ZNF736: variants seen among roughly 807,000 people sequenced by gnomAD.
ZNF736 encodes zinc finger protein 736.
A neutral mutation model predicts 11.7 loss-of-function variants in ZNF736; 6 were observed. That is an observed-to-expected ratio of 0.51 (90% CI 0.28 to 1.01). The LOEUF (loss-of-function observed/expected upper bound fraction) is 1.01. Among genes scored for constraint, ZNF736 ranks in the 50% least tolerant of loss-of-function variants. The pLI, the probability that ZNF736 is intolerant of heterozygous loss-of-function variation, is 0.09. For synonymous variants in ZNF736, 139 were observed against 164.7 expected, an observed-to-expected ratio of 0.84 and a Z score of 1.19; for missense variants, 444 against 496.0, an observed-to-expected ratio of 0.90 and a Z score of 1.00.
intron 1 of ZNF736, among the ~76,000 whole-genome samples, chr7:64,319,333 G>GTGTGTGTGTA (rs1175526690): frequency 8.4e-5 from 6 of 71,638 alleles, no homozygotes; most frequent in Non-Finnish European, 1.4e-4. Context: ...GTGTGTATGT[G>GTGTGTGTGTA]TATATATATA....
chr7:64,342,050 T>C (rs1789345155), intron 3 of ZNF736, among the ~76,000 whole-genome samples: 1 of 152,200 alleles, frequency 6.6e-6, no homozygotes, highest in Admixed American at 6.5e-5. Flanking sequence ...TCTTTAAGTC[T>C]TCTATCCATT....
intron 1 of ZNF736, among the ~76,000 whole-genome samples, chr7:64,330,105 G>C (rs1789140647): frequency 6.6e-6 from 1 of 152,060 alleles, no homozygotes; most frequent in Non-Finnish European, 1.5e-5. Flanking sequence ...TCTTCGGTCA[G>C]CTTGTGGTGA....
intron 1 of ZNF736, among the ~76,000 whole-genome samples, chr7:64,324,760 C>G (rs912900381): frequency 1.3e-5 from 2 of 152,196 alleles, no homozygotes; most frequent in Non-Finnish European, 2.9e-5. Flanking sequence ...GAGCCTAACC[C>G]TTTCTGAGCC....
intron 1 of ZNF736, among the ~76,000 whole-genome samples, chr7:64,317,617 ATCT>A (rs1247300049): frequency 2.0e-5 from 3 of 152,154 alleles, no homozygotes; most frequent in African/African-American, 2.4e-5. Context: ...TTTGGAGTAA[ATCT>A]TCTTCATAAA....
intron 3 of ZNF736, among the ~76,000 whole-genome samples, chr7:64,338,539 CTCT>C (rs1387081600): frequency 6.6e-6 from 1 of 152,176 alleles, no homozygotes; most frequent in East Asian, 1.9e-4. Context: ...CCTCTATACT[CTCT>C]TCTTCTAGGA....
In ZNF736 at chr7:64,322,889, GTCTT is replaced by G. The variant is rs578056974; in HGVS notation, c.3+8740_3+8743del. On this transcript the variant is annotated intron_variant, in intron 1 of 3. Coordinates refer to ENST00000423484, the MANE Select transcript of ZNF736 (RefSeq NM_001170905.3). ...CATTTTAATTCTATAAAAAATGTAT[GTCTT>G]TCTGTTTACTCTTTACAAAACTACT... Among the ~76,000 whole-genome samples the G allele has an allele frequency of 4.4e-3, 668 of 152,292 alleles. 4 individuals are homozygous for G. The highest frequency in any genetic ancestry group is 7.5e-3 in the Non-Finnish European group (511 of 68,018).
rs10949901 is a variant in ZNF736, at chr7:64,352,396, G to A, written c.*3249G>A. ...AGGTCCTACCCAGTGAGGAAAACAT[G>A]ATTGGGGACCCACTTAAGAAAGCAG... On this transcript the variant is annotated 3_prime_UTR_variant, in exon 4 of 4. Coordinates refer to ENST00000423484, the MANE Select transcript of ZNF736 (RefSeq NM_001170905.3). 0.31 allele frequency: 46,773 copies of A among 152,088 alleles called. 7,357 individuals carry two copies. Among genetic ancestry groups the A allele is most frequent in the African/African-American group, 0.34 (13,929 of 41,488 alleles). The allele number at this position is 152,088 out of a possible 1,614,324, so 9.4% of individuals were successfully genotyped here. A position where few individuals can be genotyped will look rare whatever the true frequency, so the allele number is the denominator to read the frequency against.
intron 1 of ZNF736, among the ~76,000 whole-genome samples, chr7:64,314,412 G>A (rs1788882670): frequency 1.3e-5 from 2 of 152,080 alleles, no homozygotes; most frequent in Admixed American, 6.5e-5. Context: ...GCTCTGTGCC[G>A]CAACCTCGAG....
Position 64,348,518 on chromosome 7 carries a change from C to T in ZNF736, c.655C>T (p.His219Tyr). 1 of 1,576,074 alleles carries T rather than the reference C, an allele frequency of 6.3e-7. No homozygotes were observed. Among genetic ancestry groups the T allele is most frequent in the Middle Eastern group, 1.7e-4 (1 of 6,020 alleles). Reference protein sequence around the residue: ...AFKKFSNLTEHKRVHTGEKPY... With the variant: ...AFKKFSNLTEYKRVHTGEKPY... ...TAAAAAGTTTTCAAACCTTACTGAA[C>T]ATAAGAGAGTTCATACTGGAGAGAA... Residue 219 changes from histidine to tyrosine, a missense_variant, in exon 4 of 4, where the codon CAT becomes TAT. Physicochemically the swap from His to Tyr is moderately conservative, Grantham distance 83. Transcript: ENST00000423484.
chr7:64,321,589 G>A (rs1330922099), intron 1 of ZNF736, among the ~76,000 whole-genome samples: 2 of 152,156 alleles, frequency 1.3e-5, no homozygotes, highest in Non-Finnish European at 2.9e-5. Context: ...TTTCTAGAAA[G>A]TGAGGGTTGA....
rs1054520302 is a variant in ZNF736, at chr7:64,350,156, G to A, written c.*1009G>A. The A allele has an allele frequency of 6.6e-6, 1 of 152,174 alleles. No individual in the cohort carries two copies. The highest frequency in any genetic ancestry group is 1.5e-5 in the Non-Finnish European group (1 of 68,026). The allele number at this position is 152,174 out of a possible 1,614,324, so 9.4% of individuals were successfully genotyped here. A position where few individuals can be genotyped will look rare whatever the true frequency, so the allele number is the denominator to read the frequency against. ...TGTTATCCTGAAATACGTATTTCAA[G>A]TTGTTTTCATTCTCCCCATCACTTT... On this transcript the variant is annotated 3_prime_UTR_variant, in exon 4 of 4. Coordinates refer to ENST00000423484, the MANE Select transcript of ZNF736 (RefSeq NM_001170905.3).
intron 1 of ZNF736, among the ~76,000 whole-genome samples, chr7:64,329,209 C>T (rs1382283668): frequency 6.6e-6 from 1 of 151,056 alleles, no homozygotes; most frequent in Admixed American, 6.6e-5. Flanking sequence ...AATTTCCTGT[C>T]TGAAAGGTTA....
At chr7:64,319,752 C>A (rs2863324) in intron 1 of ZNF736, among the ~76,000 whole-genome samples, 46,776 of 151,432 alleles carry the variant, frequency 0.31, 7,374 homozygotes, top group African/African-American at 0.34. Context: ...GCCTCGGCCT[C>A]CCAAGTGCTG....
At chr7:64,319,489 C>CTTTTTCTT (rs1562666854) in intron 1 of ZNF736, among the ~76,000 whole-genome samples, 1 of 55,728 alleles carries the variant, frequency 1.8e-5, no homozygotes, top group African/African-American at 7.8e-5. Flanking sequence ...CATTTCTTCC[C>CTTTTTCTT]TTTTTTTTTT....
Position 64,349,921 on chromosome 7 carries a change from A to G in ZNF736, c.*774A>G, listed in dbSNP as rs966627206. 2.6e-5 allele frequency: 4 copies of G among 152,064 alleles called. No homozygotes were observed. The highest frequency in any genetic ancestry group is 1.3e-4 in the Admixed American group (2 of 15,264). The allele number at this position is 152,064 out of a possible 1,614,324, so 9.4% of individuals were successfully genotyped here. ...TGACTTGTAGGATTTCAGCTGAAAG[A>G]TTTGTTGTTTTCCTGATGAGCTTCT... On this transcript the variant is annotated 3_prime_UTR_variant, in exon 4 of 4. Coordinates refer to ENST00000423484, the MANE Select transcript of ZNF736 (RefSeq NM_001170905.3).
intron 3 of ZNF736, among the ~76,000 whole-genome samples, chr7:64,340,922 C>T (rs1229586971): frequency 6.6e-6 from 1 of 152,090 alleles, no homozygotes; most frequent in Non-Finnish European, 1.5e-5. Context: ...AATAACCTCT[C>T]TGTGACTTTT....
At chr7:64,333,020 C>CT (rs1789192848) in intron 1 of ZNF736, among the ~76,000 whole-genome samples, 1 of 152,172 alleles carries the variant, frequency 6.6e-6, no homozygotes, top group Non-Finnish European at 1.5e-5. Flanking sequence ...TACAGTGGTC[C>CT]TGAGGTGACA....
At position 64,348,108 on chromosome 7, in the gene ZNF736, C is replaced by T. The variant is rs1376902191; in HGVS notation, c.245C>T (p.Thr82Ile). The change falls in exon 4 of 4, where the codon ACT becomes ATT. Residue 82 changes from threonine to isoleucine, a missense_variant. Thr to Ile is a moderately conservative substitution (Grantham distance 89). Transcript: ENST00000423484. Reference sequence around the variant, plus strand: ...TCTCCAGCTGGTTCTTTTCATTTTACTGCAGAGATATTGCCGGATCATGAC... The same window carrying T: ...TCTCCAGCTGGTTCTTTTCATTTTATTGCAGAGATATTGCCGGATCATGAC... ...AKHPAGSFHF[T>I]AEILPDHDIK... The T allele has an allele frequency of 6.6e-7, 1 of 1,519,022 alleles. No individual in the cohort carries two copies. Among genetic ancestry groups the T allele is most frequent in the East Asian group, 2.5e-5 (1 of 40,710 alleles). 94.1% of individuals were successfully genotyped at this position (1,519,022 alleles called of 1,614,324 possible).
chr7:64,347,802 A>G (rs1255635496), intron 3 of ZNF736, among the ~76,000 whole-genome samples: 1 of 152,204 alleles, frequency 6.6e-6, no homozygotes, highest in Non-Finnish European at 1.5e-5. Context: ...AGTTAGAGTC[A>G]TCATAGGATG....
Sources: gnomAD v4.1 joint callset for allele counts (sites outside exome capture counted in the v4.1 genomes callset) on GRCh38, gnomAD v4.1.1 for gene constraint, MANE v1.5 for transcripts, NCBI Gene and HGNC (gene_info 2026-07-23, HGNC 2026-07-21) for gene names.